Variants in MIX23 observed in about 807,000 individuals in gnomAD.
MIX23 encodes the protein mitochondrial matrix import factor 23.
MIX23 carries 13 observed loss-of-function variants against 21.6 expected under a neutral mutation model. The observed-to-expected ratio is 0.60, with a 90% CI of 0.39 to 0.96. The LOEUF (loss-of-function observed/expected upper bound fraction) is 0.96, where lower values mean the gene tolerates loss of function less well. Ranked by LOEUF, MIX23 falls within the 40% of genes least tolerant of loss-of-function variation. The pLI is 0.00. For missense variants in MIX23, 144 were observed against 171.2 expected (o/e 0.84, Z 0.89); for synonymous variants, 59 against 58.0 (o/e 1.02, Z -0.08).
At chr3:122,381,420 T>C (rs1035699094) in intron 1 of MIX23, among the ~76,000 whole-genome samples, 2 of 152,072 alleles carry the variant, frequency 1.3e-5, no homozygotes, top group African/African-American at 4.8e-5. Flanking sequence ...AGAACTGATG[T>C]CCCTATAAGA....
chr3:122,368,210 G>A lies in MIX23; in HGVS notation c.290C>T (p.Thr97Met), dbSNP rs752006221. The A allele has an allele frequency of 5.0e-6, 8 of 1,609,708 alleles. No homozygotes were observed. The highest frequency in any genetic ancestry group is 4.5e-5 in the East Asian group (2 of 44,814). ...CTCTTTTCTAAGTTGTTTTAATAAC[G>A]TTAAATCGTCCAAATTCTTTTCTCT... Reference protein sequence around the residue: ...EEREKNLDDLTLLKQLRKEQT... With the variant: ...EEREKNLDDLMLLKQLRKEQT... Residue 97 changes from threonine (T) to methionine (M), a missense_variant, in exon 3 of 5, where the codon ACG (threonine) becomes ATG (methionine). Physicochemically the swap from Thr to Met is moderately conservative, Grantham distance 81. Coordinates refer to ENST00000291458, the MANE Select transcript of MIX23 (RefSeq NM_001017928.4).
intron 1 of MIX23, among the ~76,000 whole-genome samples, chr3:122,375,543 T>A (rs1559993550): frequency 6.6e-6 from 1 of 152,204 alleles, no homozygotes; most frequent in African/African-American, 2.4e-5. Flanking sequence ...GTGGGATATG[T>A]GGTAGTAGCG....
At chr3:122,381,182 A>C (rs1474269233) in intron 1 of MIX23, among the ~76,000 whole-genome samples, 1 of 152,006 alleles carries the variant, frequency 6.6e-6, no homozygotes, top group Non-Finnish European at 1.5e-5. Context: ...TTTTCTTCCC[A>C]ATATTTTCTA....
chr3:122,360,460 C>T (rs1225758512), intron 4 of MIX23, among the ~76,000 whole-genome samples: 1 of 151,956 alleles, frequency 6.6e-6, no homozygotes, highest in Non-Finnish European at 1.5e-5. Context: ...GAAAAATACA[C>T]ACACACATAA....
intron 1 of MIX23, 144 bp downstream of exon 1, chr3:122,383,030 C>A (rs1369109090): frequency 9.3e-7 from 1 of 1,070,274 alleles, no homozygotes; most frequent in African/African-American, 1.6e-5. Flanking sequence ...AAACCCGCGC[C>A]CCCCATGACC....
chr3:122,363,865 T>C (rs1449174265), intron 3 of MIX23, among the ~76,000 whole-genome samples: 1 of 152,088 alleles, frequency 6.6e-6, no homozygotes, highest in Non-Finnish European at 1.5e-5. Flanking sequence ...CAGTAGCATT[T>C]TGTTAGAGGA....
chr3:122,381,113 C>T (rs2075527730), intron 1 of MIX23, among the ~76,000 whole-genome samples: 1 of 152,206 alleles, frequency 6.6e-6, no homozygotes. Flanking sequence ...GCCTAGAATA[C>T]CCCTAGTCCC....
intron 4 of MIX23, among the ~76,000 whole-genome samples, chr3:122,360,964 C>T (rs182198605): frequency 2.3e-3 from 343 of 152,278 alleles, no homozygotes; most frequent in African/African-American, 7.8e-3. Flanking sequence ...CCGCCTCAGC[C>T]TCCCGAGTAG....
chr3:122,363,111 C>A, intron 3 of MIX23, 84 bp from the exon 4 acceptor site: 8 of 1,149,818 alleles, frequency 7.0e-6, no homozygotes, highest in Non-Finnish European at 1.0e-5. Flanking sequence ...GAGCTAAAAC[C>A]ACACTCATGT....
chr3:122,372,883 A>G, intron 1 of MIX23: 1 of 317,472 alleles, frequency 3.1e-6, no homozygotes, highest in South Asian at 2.7e-5. Context: ...TACTAGGAAT[A>G]TACTTATTAT....
chr3:122,364,388 C>T (rs1287499149), intron 3 of MIX23, among the ~76,000 whole-genome samples: 1 of 152,170 alleles, frequency 6.6e-6, no homozygotes, highest in Non-Finnish European at 1.5e-5. Flanking sequence ...CATTAAAGCT[C>T]CACTTCTCTG....
Position 122,368,185 on chromosome 3 carries a change from C to T in MIX23, c.315G>A (p.Glu105=), listed in dbSNP as rs143613317. Residue 105 remains glutamate, a synonymous_variant, in exon 3 of 5, where the codon GAG becomes GAA. Coordinates refer to ENST00000291458, the MANE Select transcript of MIX23 (RefSeq NM_001017928.4). ...ATTCTGTTCAACTTACCTTTGTCTG[C>T]TCTTTTCTAAGTTGTTTTAATAACG... ...DLTLLKQLRK[E]QTKLKWMQSE... is the part of the protein sequence containing the mutation. 1.6e-3 allele frequency: 2,585 copies of T among 1,610,032 alleles called. 2 individuals are homozygous for T. The highest frequency in any genetic ancestry group is 2.1e-3 in the Non-Finnish European group (2,424 of 1,179,560).
rs1491432197 is a variant in MIX23, at chr3:122,359,627, AAT to A, written c.*240_*241del. On this transcript the variant is annotated 3_prime_UTR_variant, in exon 5 of 5. Transcript: ENST00000291458. ...AGAAAATTATTTTAATAGTTACAAA[AAT>A]TTTTTTTTTTTTTTTTTACAGAATC... 4.5e-3 allele frequency: 1,133 copies of A among 253,872 alleles called. No homozygotes were observed. Among genetic ancestry groups the A allele is most frequent in the Middle Eastern group, 9.3e-3 (8 of 864 alleles). The allele number at this position is 253,872 out of a possible 1,614,324, so 15.7% of individuals were successfully genotyped here.
intron 1 of MIX23, among the ~76,000 whole-genome samples, chr3:122,373,576 G>A (rs2075459695): frequency 6.6e-6 from 1 of 152,120 alleles, no homozygotes; most frequent in African/African-American, 2.4e-5. Context: ...ACCCAGCCCT[G>A]AAGATATTTT....
intron 1 of MIX23, among the ~76,000 whole-genome samples, chr3:122,381,739 A>T (rs1003444336): frequency 2.0e-5 from 3 of 151,914 alleles, no homozygotes; most frequent in Non-Finnish European, 4.4e-5. Flanking sequence ...AAAAAAAAAA[A>T]AAAAAAGAAG....
chr3:122,372,568 T>C (rs1028023304), intron 1 of MIX23, among the ~76,000 whole-genome samples: 1 of 152,072 alleles, frequency 6.6e-6, no homozygotes, highest in Non-Finnish European at 1.5e-5. Context: ...ACACCTGTAA[T>C]CCCAACACTT....
intron 1 of MIX23, among the ~76,000 whole-genome samples, chr3:122,372,043 G>A (rs1469092125): frequency 6.6e-6 from 1 of 151,978 alleles, no homozygotes; most frequent in Admixed American, 6.6e-5. Context: ...TGTCTTAAGG[G>A]TTAAGACTGT....
intron 1 of MIX23, among the ~76,000 whole-genome samples, chr3:122,380,437 G>C (rs141646641): frequency 3.3e-5 from 5 of 152,284 alleles, no homozygotes; most frequent in African/African-American, 1.2e-4. Flanking sequence ...AAGCAGCCCT[G>C]TAAGCATAAA....
chr3:122,363,167 T>C, intron 3 of MIX23, 140 bp from the exon 4 acceptor site: 3 of 642,574 alleles, frequency 4.7e-6, no homozygotes, highest in South Asian at 2.0e-5. Context: ...TGTCTGTTAA[T>C]GGCAGAGTTT....
Sources: allele counts gnomAD v4.1 joint callset (sites outside exome capture counted in the v4.1 genomes callset), GRCh38; gene constraint gnomAD v4.1.1; transcripts MANE v1.5; gene names NCBI Gene and HGNC (gene_info 2026-07-23, HGNC 2026-07-21).